Variants in DTNB observed in about 807,000 individuals in gnomAD.
DTNB encodes DTN-B.
Under a neutral mutation model 90.7 loss-of-function variants are expected in DTNB, and 63 were observed. That is an observed-to-expected ratio of 0.69 (90% confidence interval 0.57 to 0.86). The LOEUF is 0.86. Ranked by LOEUF, DTNB falls within the 40% of genes least tolerant of loss-of-function variation. DTNB has a pLI of 0.00. For synonymous variants in DTNB, 277 were observed against 286.7 expected (o/e 0.97, Z 0.34); for missense variants, 744 against 807.1 (o/e 0.92, Z 0.95).
In DTNB at chr2:25,664,200, A is replaced by C. The variant is rs777896959; in HGVS notation, c.-2+9186T>G. On this transcript the variant is annotated intron_variant, in intron 1 of 20. Transcript: ENST00000406818. Reference sequence around the variant, plus strand: ...ACTGCTTTTTCATCAATCTGATGAGATCACCATTGTTTTTATATTATGCAT... The same window carrying C: ...ACTGCTTTTTCATCAATCTGATGAGCTCACCATTGTTTTTATATTATGCAT... Among the ~76,000 whole-genome samples the C allele has an allele frequency of 3.9e-5, 6 of 152,340 alleles. No individual in the cohort carries two copies. In the South Asian group the frequency reaches 8.3e-4, roughly 21 times the overall value.
At position 25,463,078 on chromosome 2, in the gene DTNB, C is replaced by T. The variant is rs114956844; in HGVS notation, c.1080-7584G>A. Among the ~76,000 whole-genome samples, 732 of 152,286 alleles carry T rather than the reference C, an allele frequency of 4.8e-3. 7 individuals are homozygous for T. The highest frequency in any genetic ancestry group is 0.017 in the African/African-American group (700 of 41,546). On this transcript the variant is annotated intron_variant, in intron 10 of 20. Coordinates refer to ENST00000406818, the MANE Select transcript of DTNB (RefSeq NM_021907.5). ...ACATTTCCAGCCCTGACCTCTCCCT[C>T]GAGCTCCAGAATCATGTAATTGATG...
chr2:25,380,690 G>A (rs1449132613), intron 19 of DTNB, among the ~76,000 whole-genome samples: 1 of 152,246 alleles, frequency 6.6e-6, no homozygotes, highest in Non-Finnish European at 1.5e-5. Context: ...CCTGGGGCCT[G>A]GAGTGCCGGG....
In DTNB at chr2:25,498,390, T is replaced by TA. The variant is rs572123078; in HGVS notation, c.1002-15518dup. On this transcript the variant is annotated intron_variant, in intron 9 of 20. Transcript: ENST00000406818. Reference sequence around the variant, plus strand: ...CCTAAAATAAAATGGGTGCATGTGTTAGACTACTGAGCAGAAGATGAAAGA... The same window carrying TA: ...CCTAAAATAAAATGGGTGCATGTGTTAAGACTACTGAGCAGAAGATGAAAGA... Among the ~76,000 whole-genome samples the TA allele has an allele frequency of 1.4e-4, 21 of 152,248 alleles. No individual in the cohort carries two copies. The South Asian group carries it at 3.9e-3, about 29-fold the overall frequency.
At chr2:25,460,813 A>G (rs2060811929) in intron 10 of DTNB, among the ~76,000 whole-genome samples, 2 of 152,200 alleles carry the variant, frequency 1.3e-5, no homozygotes, top group South Asian at 4.1e-4. Flanking sequence ...TTCTTTCTAC[A>G]GATAACCCTT....
intron 8 of DTNB, among the ~76,000 whole-genome samples, chr2:25,566,401 A>T (rs991532236): frequency 3.3e-5 from 5 of 152,268 alleles, no homozygotes; most frequent in African/African-American, 9.6e-5. Flanking sequence ...TGGAGTAGAC[A>T]GCCTGGACTT....
At chr2:25,633,192 C>G (rs2076144100) in intron 3 of DTNB, among the ~76,000 whole-genome samples, 1 of 152,176 alleles carries the variant, frequency 6.6e-6, no homozygotes, top group African/African-American at 2.4e-5. Flanking sequence ...CCTCTCTTTC[C>G]ACGGTCTCCC....
Position 25,427,610 on chromosome 2 carries a change from C to A in DTNB, c.1479G>T (p.Glu493Asp). The A allele has an allele frequency of 6.2e-7, 1 of 1,613,514 alleles. No homozygotes were observed. The highest frequency in any genetic ancestry group is 8.5e-7 in the Non-Finnish European group (1 of 1,179,818). ...TCTCCTGCAGGGCCGACATCCTCTG[C>A]TCCAGTTCATCCTTCCTTTGCCTAT... ...RLLRQRKDEL[E>D]QRMSALQESR... The change falls in exon 15 of 21, where the codon GAG becomes GAT. Residue 493 changes from glutamate to aspartate, a missense_variant. Physicochemically the swap from Glu to Asp is conservative, Grantham distance 45. Transcript: ENST00000406818.
At chr2:25,489,542 G>C (rs1183911767) in intron 9 of DTNB, among the ~76,000 whole-genome samples, 1 of 152,100 alleles carries the variant, frequency 6.6e-6, no homozygotes, top group Non-Finnish European at 1.5e-5. Flanking sequence ...TATAAGCCAG[G>C]CATGATGGAA....
intron 9 of DTNB, among the ~76,000 whole-genome samples, chr2:25,526,380 T>TAA (rs2077116953): frequency 5.7e-5 from 3 of 52,244 alleles, no homozygotes; most frequent in Non-Finnish European, 1.0e-4. Context: ...TATATATATA[T>TAA]ATATATATAT....
At chr2:25,658,700 C>A (rs1439419696) in intron 1 of DTNB, among the ~76,000 whole-genome samples, 1 of 152,160 alleles carries the variant, frequency 6.6e-6, no homozygotes, top group African/African-American at 2.4e-5. Flanking sequence ...AATTTTATGA[C>A]CTTCTAGATA....
At chr2:25,420,780 G>A (rs1204319129) in intron 15 of DTNB, among the ~76,000 whole-genome samples, 1 of 152,174 alleles carries the variant, frequency 6.6e-6, no homozygotes, top group Non-Finnish European at 1.5e-5. Context: ...ACTGCACCTG[G>A]CCGGTCTCTG....
At chr2:25,509,093 C>T (rs888285950) in intron 9 of DTNB, among the ~76,000 whole-genome samples, 2 of 152,132 alleles carry the variant, frequency 1.3e-5, no homozygotes, top group Non-Finnish European at 2.9e-5. Flanking sequence ...TACACAATCA[C>T]GTCATCTATG....
chr2:25,643,382 A>G (rs1321654040), intron 2 of DTNB, among the ~76,000 whole-genome samples: 5 of 152,228 alleles, frequency 3.3e-5, no homozygotes, highest in Admixed American at 6.5e-5. Context: ...GAAGGCAAAG[A>G]CCATTTGTTG....
chr2:25,499,753 G>A (rs1374955870), intron 9 of DTNB, among the ~76,000 whole-genome samples: 1 of 152,196 alleles, frequency 6.6e-6, no homozygotes, highest in African/African-American at 2.4e-5. Flanking sequence ...AGGGACCCTA[G>A]TACTTGTTTC....
At chr2:25,456,286 A>C (rs2060014953) in intron 10 of DTNB, among the ~76,000 whole-genome samples, 1 of 152,232 alleles carries the variant, frequency 6.6e-6, no homozygotes, top group Non-Finnish European at 1.5e-5. Flanking sequence ...TGCAGGGACG[A>C]GTGGCTAAAA....
intron 8 of DTNB, among the ~76,000 whole-genome samples, chr2:25,556,150 T>C (rs975210227): frequency 6.6e-6 from 1 of 151,406 alleles, no homozygotes; most frequent in Non-Finnish European, 1.5e-5. Context: ...AATGGATGTT[T>C]TGGTGTTTTG....
intron 10 of DTNB, among the ~76,000 whole-genome samples, chr2:25,465,288 A>C (rs1489552388): frequency 1.3e-5 from 2 of 151,594 alleles, no homozygotes; most frequent in African/African-American, 2.4e-5. Context: ...AGGCAGGAGA[A>C]TGGGGTGAAC....
rs1276672484 is a variant in DTNB at position 25,432,954 on chromosome 2, C to G, written c.1389G>C (p.Gln463His). 6.2e-7 allele frequency: 1 copy of G among 1,611,082 alleles called. No homozygotes were observed. The highest frequency in any genetic ancestry group is 1.1e-5 in the South Asian group (1 of 90,372). The change falls in exon 14 of 21, where the codon CAG (glutamine) becomes CAC (histidine). Residue 463 changes from glutamine to histidine, a missense_variant. By Grantham distance (24) the Gln-to-His change is conservative (BLOSUM62 0). Coordinates refer to ENST00000406818, the MANE Select transcript of DTNB (RefSeq NM_021907.5). ...CCTTCTCAGGGGTGGGCTGGGAGGC[C>G]TGCTCGTGTTCCAGGCGGAGACGCT... ...EIQRLRLEHE[Q>H]ASQPTPEKAQ...
At chr2:25,587,828 TA>T (rs1310703765) in intron 6 of DTNB, among the ~76,000 whole-genome samples, 1 of 152,168 alleles carries the variant, frequency 6.6e-6, no homozygotes, top group Non-Finnish European at 1.5e-5. Context: ...CTGATCATAA[TA>T]AAACCCATTC....
Sources: allele counts gnomAD v4.1 joint callset (sites outside exome capture counted in the v4.1 genomes callset), GRCh38; gene constraint gnomAD v4.1.1; transcripts MANE v1.5; gene names NCBI Gene and HGNC (gene_info 2026-07-23, HGNC 2026-07-21).